The following NCBP3 variants were observed in gnomAD, a reference collection of about 807,000 sequenced individuals.
NCBP3 encodes the protein nuclear cap binding subunit 3.
NCBP3 carries 20 observed loss-of-function variants against 75.7 expected under a neutral mutation model. That is an observed-to-expected ratio of 0.26 (90% CI 0.19 to 0.38). The LOEUF is 0.38. Among genes scored for constraint, NCBP3 ranks in the 10% least tolerant of loss-of-function variants. The pLI, the probability that NCBP3 is intolerant of heterozygous loss-of-function variation, is 1.00. For synonymous variants in NCBP3, 293 were observed against 290.5 expected, an observed-to-expected ratio of 1.01 and a Z score of -0.09; for missense variants, 678 against 796.9, an observed-to-expected ratio of 0.85 and a Z score of 1.80.
rs983679025 is a variant in NCBP3 at position 3,809,694 on chromosome 17, G to A, written c.*3350C>T. ...GCACTCCAGCCTGCACAACAAGAGCGAAACTGTGTCTCAAAAATAAATAAT... is the reference window on the plus strand; with the variant it reads ...GCACTCCAGCCTGCACAACAAGAGCAAAACTGTGTCTCAAAAATAAATAAT... On this transcript the variant is annotated 3_prime_UTR_variant, in exon 13 of 13. Transcript: ENST00000389005. 2.0e-5 allele frequency: 3 copies of A among 152,196 alleles called. No individual in the cohort carries two copies. The highest frequency in any genetic ancestry group is 6.5e-5 in the Admixed American group (1 of 15,290). The allele number at this position is 152,196 out of a possible 1,614,324, so 9.4% of individuals were successfully genotyped here. A position where few individuals can be genotyped will look rare whatever the true frequency, so the allele number is the denominator to read the frequency against.
chr17:3,840,453 A>G (rs189914930), intron 2 of NCBP3, among the ~76,000 whole-genome samples: 139 of 152,346 alleles, frequency 9.1e-4, no homozygotes, highest in Non-Finnish European at 1.3e-3. Flanking sequence ...ACATAGTAGG[A>G]ACTCAGTGAG....
chr17:3,806,565 G>A lies in NCBP3; in HGVS notation c.*6479C>T, dbSNP rs1177054174. On this transcript the variant is annotated 3_prime_UTR_variant, in exon 13 of 13. Coordinates refer to ENST00000389005, the MANE Select transcript of NCBP3 (RefSeq NM_001114118.3). ...CTGAGGCAGGGTACTGACCTTGGTA[G>A]GTGAAATACCGCCTATACTCTCAAG... is the stretch of plus-strand genomic sequence containing the variant. 6.6e-6 allele frequency: 1 copy of A among 152,122 alleles called. No homozygotes were observed. Among genetic ancestry groups the A allele is most frequent in the Non-Finnish European group, 1.5e-5 (1 of 68,030 alleles). 9.4% of individuals were successfully genotyped at this position (152,122 alleles called of 1,614,324 possible).
rs144395794 is a variant in NCBP3 at position 3,835,662 on chromosome 17, C to T, written c.355+4438G>A. Among the ~76,000 whole-genome samples the T allele has an allele frequency of 2.6e-3, 389 of 152,372 alleles. 1 individual carries two copies. The highest frequency in any genetic ancestry group is 8.9e-3 in the African/African-American group (368 of 41,580). On this transcript the variant is annotated intron_variant, in intron 3 of 12. Coordinates refer to ENST00000389005, the MANE Select transcript of NCBP3 (RefSeq NM_001114118.3). Reference sequence around the variant, plus strand: ...AGTTCTCACACTGTCACTTAAGAAACATTCAGGCAGCCGCCAAAAGACCAG... The same window carrying T: ...AGTTCTCACACTGTCACTTAAGAAATATTCAGGCAGCCGCCAAAAGACCAG...
chr17:3,820,226 A>G (rs2053636432), intron 9 of NCBP3, among the ~76,000 whole-genome samples: 1 of 152,218 alleles, frequency 6.6e-6, no homozygotes, highest in Non-Finnish European at 1.5e-5. Context: ...CTGGGATTAT[A>G]GGTGTGAGCC....
In NCBP3 at chr17:3,820,131, G is replaced by C. The variant is rs112615265; in HGVS notation, c.1000+1118C>G. ...GGTCTGGCTAATTTTTTAATTTTTT[G>C]TAACGACAAGGTCTCACTATGTTGC... On this transcript the variant is annotated intron_variant, in intron 9 of 12. Transcript: ENST00000389005. Among the ~76,000 whole-genome samples the C allele has an allele frequency of 4.3e-3, 653 of 152,150 alleles. 4 individuals are homozygous for C. The highest frequency in any genetic ancestry group is 0.015 in the African/African-American group (616 of 41,514).
At chr17:3,826,849 T>C (rs1159699409) in intron 4 of NCBP3, among the ~76,000 whole-genome samples, 2 of 151,652 alleles carry the variant, frequency 1.3e-5, no homozygotes, top group Non-Finnish European at 2.9e-5. Context: ...CCGTCTCTAC[T>C]AAAAATACAA....
intron 7 of NCBP3, among the ~76,000 whole-genome samples, chr17:3,823,088 C>T (rs1035042939): frequency 2.0e-5 from 3 of 152,104 alleles, no homozygotes; most frequent in Non-Finnish European, 4.4e-5. Context: ...CTGAGGCGGG[C>T]GGATCACAAG....
At position 3,813,228 on chromosome 17, in the gene NCBP3, G is replaced by A. The variant is rs150823884; in HGVS notation, c.1679C>T (p.Thr560Met). The change falls in exon 13 of 13, where the codon ACG (threonine) becomes ATG (methionine). Residue 560 changes from threonine (T) to methionine (M), a missense_variant. Coordinates refer to ENST00000389005, the MANE Select transcript of NCBP3 (RefSeq NM_001114118.3). Reference protein sequence around the residue: ...GSAPKTKEKNTKKVDHRAPGA... With the variant: ...GSAPKTKEKNMKKVDHRAPGA... ...AGGCGCCCTGTGATCCACTTTCTTC[G>A]TATTCTTTTCTTTGGTCTTGGGTGC... is the stretch of plus-strand genomic sequence containing the variant. 7.4e-4 allele frequency: 1,197 copies of A among 1,614,200 alleles called. 1 individual carries two copies. The highest frequency in any genetic ancestry group is 8.5e-4 in the Non-Finnish European group (1,008 of 1,180,040).
chr17:3,812,428 G>T lies in NCBP3; in HGVS notation c.*616C>A. 2.5e-6 allele frequency: 2 copies of T among 788,802 alleles called. No individual in the cohort carries two copies. Among genetic ancestry groups the T allele is most frequent in the Non-Finnish European group, 3.1e-6 (2 of 649,702 alleles). The allele number at this position is 788,802 out of a possible 1,614,324, so 48.9% of individuals were successfully genotyped here. On this transcript the variant is annotated 3_prime_UTR_variant, in exon 13 of 13. Transcript: ENST00000389005. ...ACATCAAGCTGACAGCACGTAAGAGGCCCATGCCATGAGCAATCCCCGAGG... is the reference window on the plus strand; with the variant it reads ...ACATCAAGCTGACAGCACGTAAGAGTCCCATGCCATGAGCAATCCCCGAGG...
Position 3,821,453 on chromosome 17 carries a change from CA to C in NCBP3, c.897-102del, listed in dbSNP as rs544808179. The C allele has an allele frequency of 2.5e-4, 223 of 890,688 alleles. 1 individual carries two copies. In the African/African-American group the frequency reaches 3.3e-3, roughly 13 times the overall value. The allele number at this position is 890,688 out of a possible 1,614,324, so 55.2% of individuals were successfully genotyped here. A position where few individuals can be genotyped will look rare whatever the true frequency, so the allele number is the denominator to read the frequency against. ...TTCTTTTTTTTTTGTGATGGAGTCT[CA>C]ATCTCTCTCCCAGGCTGAAGTGCAA... is the stretch of plus-strand genomic sequence containing the variant. On this transcript the variant is annotated intron_variant, in intron 8 of 12. Transcript: ENST00000389005.
At chr17:3,813,629 GCCACTCC>G in intron 12 of NCBP3, among the ~76,000 whole-genome samples, 1 of 152,274 alleles carries the variant, frequency 6.6e-6, no homozygotes. Flanking sequence ...CCAGAAGTAG[GCCACTCC>G]CAGATCCCTT....
At chr17:3,832,504 A>C (rs189930009) in intron 3 of NCBP3, among the ~76,000 whole-genome samples, 1 of 79,190 alleles carries the variant, frequency 1.3e-5, no homozygotes, top group Non-Finnish European at 3.8e-5. Flanking sequence ...GGTGGCAGGC[A>C]CCTGTAGTCC....
chr17:3,829,478 T>C (rs1372992456), intron 3 of NCBP3, 110 bp from the exon 4 acceptor site: 1 of 1,200,306 alleles, frequency 8.3e-7, no homozygotes. Context: ...GAAAGAAACA[T>C]GCTGAGAGAA....
rs2053327486 is a variant in NCBP3, at chr17:3,805,524, CAAGAGGGTG to C, written c.*7511_*7519del. 6.6e-6 allele frequency: 1 copy of C among 152,308 alleles called. No individual in the cohort carries two copies. Among genetic ancestry groups the C allele is most frequent in the Non-Finnish European group, 1.5e-5 (1 of 68,160 alleles). 9.4% of individuals were successfully genotyped at this position (152,308 alleles called of 1,614,324 possible). On this transcript the variant is annotated 3_prime_UTR_variant, in exon 13 of 13. Coordinates refer to ENST00000389005, the MANE Select transcript of NCBP3 (RefSeq NM_001114118.3). ...AGAAAAGCCTACGTGAATAAGACAG[CAAGAGGGTG>C]CTCACCATGTTGGCATCCTCCGGCC...
intron 3 of NCBP3, among the ~76,000 whole-genome samples, chr17:3,830,124 G>A (rs1052779566): frequency 2.6e-5 from 4 of 152,156 alleles, no homozygotes; most frequent in African/African-American, 7.2e-5. Flanking sequence ...TCGTCACTGC[G>A]GAGGGCAAAT....
rs187847311 is a variant in NCBP3 at position 3,831,497 on chromosome 17, C to T, written c.356-2129G>A. The stretch of plus-strand genomic sequence containing the variant: ...CCGAGGCAGGAGAATGGCGTGAACC[C>T]GGGAGGCGGAGCTTGCAGTGAGCCA... On this transcript the variant is annotated intron_variant, in intron 3 of 12. Transcript: ENST00000389005. Among the ~76,000 whole-genome samples, 617 of 144,986 alleles carry T rather than the reference C, an allele frequency of 4.3e-3. 26 individuals are homozygous for T. In the East Asian group the frequency reaches 0.046, roughly 11 times the overall value.
chr17:3,818,439 C>T lies in NCBP3; in HGVS notation c.1134G>A (p.Pro378=), dbSNP rs1261162282. The T allele has an allele frequency of 3.1e-6, 5 of 1,613,964 alleles. No individual in the cohort carries two copies. Among genetic ancestry groups the T allele is most frequent in the Non-Finnish European group, 4.2e-6 (5 of 1,180,024 alleles). ...RVVVEYHEEL[P]ALKQPRERSA... ...TCCGCTCCCGGGGCTGCTTGAGAGC[C>T]GGGAGCTCCTCGTGGTACTCTACCA... is the stretch of plus-strand genomic sequence containing the variant. Residue 378 remains proline (P), a synonymous_variant, in exon 10 of 13, where the codon CCG becomes CCA. Coordinates refer to ENST00000389005, the MANE Select transcript of NCBP3 (RefSeq NM_001114118.3). This position sits in a 1 kb window ranked among gnomAD's most constrained non-coding sequence, Gnocchi z 4.7.
rs996798649 is a variant in NCBP3, at chr17:3,804,192, CTT to C, written c.*8850_*8851del. 3 of 152,146 alleles carry C rather than the reference CTT, an allele frequency of 2.0e-5. No homozygotes were observed. Among genetic ancestry groups the C allele is most frequent in the African/African-American group, 7.2e-5 (3 of 41,448 alleles). 9.4% of individuals were successfully genotyped at this position (152,146 alleles called of 1,614,324 possible). A position where few individuals can be genotyped will look rare whatever the true frequency, so the allele number is the denominator to read the frequency against. On this transcript the variant is annotated 3_prime_UTR_variant, in exon 13 of 13. Coordinates refer to ENST00000389005, the MANE Select transcript of NCBP3 (RefSeq NM_001114118.3). ...TAGACAACATAGTATGAACCTGTCTCTTTAAAAAAAAGTTGCAAAATGTTCAT... is the reference window on the plus strand; with the variant it reads ...TAGACAACATAGTATGAACCTGTCTCTAAAAAAAAGTTGCAAAATGTTCAT...
At chr17:3,826,723 G>GGAAGGA (rs1348605267) in intron 4 of NCBP3, among the ~76,000 whole-genome samples, 2 of 146,522 alleles carry the variant, frequency 1.4e-5, no homozygotes, top group South Asian at 4.3e-4. Context: ...AAGGAAGGAA[G>GGAAGGA]GAGAGAGAGA....
Sources: allele counts gnomAD v4.1 joint callset (sites outside exome capture counted in the v4.1 genomes callset), GRCh38; gene constraint gnomAD v4.1.1; non-coding constraint Gnocchi (gnomAD v3.1); transcripts MANE v1.5; gene names NCBI Gene and HGNC (gene_info 2026-07-23, HGNC 2026-07-21).